FCHSD2: variants seen among roughly 807,000 people sequenced by gnomAD.
The protein encoded by FCHSD2 is FCH and double SH3 domains 2.
Under a neutral mutation model 108.1 loss-of-function variants are expected in FCHSD2, and 38 were observed. That is an observed-to-expected ratio of 0.35 (90% confidence interval 0.27 to 0.46). The LOEUF (loss-of-function observed/expected upper bound fraction) is 0.46. FCHSD2 is among the 20% of genes least tolerant of loss of function. FCHSD2 has a pLI of 1.00. For missense variants in FCHSD2, 751 were observed against 897.8 expected, an observed-to-expected ratio of 0.84 and a Z score of 2.09; for synonymous variants, 279 against 314.7, an observed-to-expected ratio of 0.89 and a Z score of 1.20.
intron 3 of FCHSD2, among the ~76,000 whole-genome samples, chr11:73,061,830 C>A (rs1859171274): frequency 6.6e-6 from 1 of 152,158 alleles, no homozygotes. Context: ...CAGATAAAAC[C>A]CCCATCTCCC....
At chr11:73,024,222 C>G (rs1858175998) in intron 3 of FCHSD2, among the ~76,000 whole-genome samples, 1 of 151,892 alleles carries the variant, frequency 6.6e-6, no homozygotes. Flanking sequence ...TGTGACAAAT[C>G]CAATTGTATT....
At chr11:73,100,334 T>TTGTTG (rs1860192361) in intron 2 of FCHSD2, among the ~76,000 whole-genome samples, 1 of 148,952 alleles carries the variant, frequency 6.7e-6, no homozygotes, top group African/African-American at 2.5e-5. Flanking sequence ...TTTACATGCT[T>TTGTTG]TTGTTGTTGT....
chr11:73,001,646 CT>C (rs1857628462), intron 4 of FCHSD2, among the ~76,000 whole-genome samples: 1 of 152,154 alleles, frequency 6.6e-6, no homozygotes, highest in African/African-American at 2.4e-5. Context: ...CATCATTTTA[CT>C]CTTATATAAA....
At chr11:72,892,738 G>A (rs1464482719) in intron 10 of FCHSD2, among the ~76,000 whole-genome samples, 1 of 151,960 alleles carries the variant, frequency 6.6e-6, no homozygotes, top group African/African-American at 2.4e-5. Context: ...CCAGGTAGCT[G>A]GGACTACAGG....
chr11:73,006,187 A>G (rs367811851), intron 4 of FCHSD2, among the ~76,000 whole-genome samples: 138 of 152,092 alleles, frequency 9.1e-4, no homozygotes, highest in African/African-American at 3.3e-3. Context: ...GATTACATAC[A>G]TGAACCACTA....
intron 8 of FCHSD2, among the ~76,000 whole-genome samples, chr11:72,972,761 G>T (rs1294095618): frequency 6.6e-6 from 1 of 152,218 alleles, no homozygotes; most frequent in African/African-American, 2.4e-5. Flanking sequence ...GGCGGCACCA[G>T]AGAATAACCT....
intron 8 of FCHSD2, among the ~76,000 whole-genome samples, chr11:72,937,093 G>A (rs944443643): frequency 6.6e-6 from 1 of 152,114 alleles, no homozygotes; most frequent in African/African-American, 2.4e-5. Flanking sequence ...CCTTAGCTGT[G>A]GTCCTGATGA....
At chr11:72,923,479 T>A (rs1017901418) in intron 8 of FCHSD2, among the ~76,000 whole-genome samples, 4 of 151,094 alleles carry the variant, frequency 2.6e-5, no homozygotes, top group African/African-American at 7.3e-5. Flanking sequence ...ATTTTGGTAT[T>A]TTTTTTTTAA....
At chr11:72,948,653 T>C (rs965284791) in intron 8 of FCHSD2, among the ~76,000 whole-genome samples, 2 of 139,032 alleles carry the variant, frequency 1.4e-5, no homozygotes, top group Non-Finnish European at 3.0e-5. Flanking sequence ...AAGATTAACA[T>C]TGTCATAATT....
chr11:73,025,786 G>C (rs1399693453), intron 3 of FCHSD2, among the ~76,000 whole-genome samples: 1 of 151,942 alleles, frequency 6.6e-6, no homozygotes, highest in Non-Finnish European at 1.5e-5. Context: ...TTTTTTTAAA[G>C]CTATATAGTA....
intron 2 of FCHSD2, among the ~76,000 whole-genome samples, chr11:73,120,881 A>G (rs1860717629): frequency 6.6e-6 from 1 of 151,994 alleles, no homozygotes; most frequent in Non-Finnish European, 1.5e-5. Flanking sequence ...TGAATGCTCT[A>G]ACAGCACTGG....
rs1027982383 is a variant in FCHSD2, at chr11:72,909,445, C to A, written c.829-6807G>T. On this transcript the variant is annotated intron_variant, in intron 9 of 19. Transcript: ENST00000409418. ...AAAAGTGCTAAGATTACAGCCTCTGCCCAGCCGCCACCCCATCTAGGAAGT... is the reference window on the plus strand; with the variant it reads ...AAAAGTGCTAAGATTACAGCCTCTGACCAGCCGCCACCCCATCTAGGAAGT... Among the ~76,000 whole-genome samples the A allele has an allele frequency of 2.0e-5, 3 of 152,236 alleles. No homozygotes were observed. The South Asian group carries it at 6.2e-4, about 31-fold the overall frequency.
chr11:73,141,501 G>A (rs758286720), intron 1 of FCHSD2, among the ~76,000 whole-genome samples: 2 of 152,240 alleles, frequency 1.3e-5, no homozygotes, highest in Non-Finnish European at 2.9e-5. Flanking sequence ...ACACGCACAA[G>A]GCTCTGCAAA....
chr11:73,119,369 T>C (rs1034311999), intron 2 of FCHSD2, among the ~76,000 whole-genome samples: 1 of 152,218 alleles, frequency 6.6e-6, no homozygotes, highest in Non-Finnish European at 1.5e-5. Context: ...GTAACTAGTG[T>C]ATTAATCATT....
intron 8 of FCHSD2, among the ~76,000 whole-genome samples, chr11:72,939,609 C>CTTTTTTTTTTTT (rs1194333407): frequency 1.5e-5 from 1 of 65,464 alleles, no homozygotes; most frequent in Admixed American, 2.2e-4. Flanking sequence ...CTTTCTTTTC[C>CTTTTTTTTTTTT]TTTTTTTTTT....
rs61586562 is a variant in FCHSD2 at position 73,126,339 on chromosome 11, T to TAAAAAAAAAA, written c.119+13682_119+13691dup. On this transcript the variant is annotated intron_variant, in intron 2 of 19. Transcript: ENST00000409418. The stretch of plus-strand genomic sequence containing the variant: ...TGGGCAACAGGGCAAGATTCCATCT[T>TAAAAAAAAAA]AAAAAAAAAAAAAAAAAAAAAAAAA... 1.6e-3 allele frequency among the ~76,000 whole-genome samples: 43 copies of TAAAAAAAAAA among 27,626 alleles called. 3 individuals carry two copies. Among genetic ancestry groups the TAAAAAAAAAA allele is most frequent in the African/African-American group, 2.9e-3 (34 of 11,822 alleles). 18.1% of individuals were successfully genotyped at this position (27,626 alleles called of 152,430 possible).
rs1213573408 is a variant in FCHSD2, at chr11:72,837,191, C to CA, written c.*1599dup. Reference sequence around the variant, plus strand: ...AACTTAAGAATAAGTTTGATAAACACAAAAGACCTCAAATAGATCAACAGG... The same window carrying CA: ...AACTTAAGAATAAGTTTGATAAACACAAAAAGACCTCAAATAGATCAACAGG... On this transcript the variant is annotated 3_prime_UTR_variant, in exon 20 of 20. Transcript: ENST00000409418. 1.3e-5 allele frequency: 2 copies of CA among 151,948 alleles called. No homozygotes were observed. The highest frequency in any genetic ancestry group is 2.9e-5 in the Non-Finnish European group (2 of 67,976). 9.4% of individuals were successfully genotyped at this position (151,948 alleles called of 1,614,324 possible).
At chr11:73,047,082 T>C (rs1185307187) in intron 3 of FCHSD2, among the ~76,000 whole-genome samples, 2 of 152,018 alleles carry the variant, frequency 1.3e-5, no homozygotes, top group African/African-American at 4.8e-5. Flanking sequence ...GCAGAATAAA[T>C]GTGAATATAA....
intron 13 of FCHSD2, 69 bp downstream of exon 13, chr11:72,867,796 G>T: frequency 7.1e-7 from 1 of 1,404,862 alleles, no homozygotes; most frequent in Non-Finnish European, 9.6e-7. Flanking sequence ...CTATTATTAA[G>T]TTTGACTACA....
Sources: gnomAD v4.1 joint callset for allele counts (sites outside exome capture counted in the v4.1 genomes callset) on GRCh38, gnomAD v4.1.1 for gene constraint, MANE v1.5 for transcripts, NCBI Gene and HGNC (gene_info 2026-07-23, HGNC 2026-07-21) for gene names.